The following TMEM232 variants were observed in gnomAD, a reference collection of about 807,000 sequenced individuals.
TMEM232 encodes the protein transmembrane protein 232.
TMEM232 carries 80 observed loss-of-function variants against 78.8 expected under a neutral mutation model. That is an observed-to-expected ratio of 1.01 (90% CI 0.85 to 1.22). The LOEUF is 1.22. Among genes scored for constraint, TMEM232 ranks in the 50% most tolerant of loss-of-function variants. TMEM232 has a pLI of 0.00. For synonymous variants in TMEM232, 297 were observed against 254.3 expected (o/e 1.17, Z -1.60); for missense variants, 881 against 742.2 (o/e 1.19, Z -2.17).
At chr5:110,693,674 C>T (rs145359737) in intron 1 of TMEM232, among the ~76,000 whole-genome samples, 1,795 of 151,938 alleles carry the variant, frequency 0.012, 45 homozygotes, top group African/African-American at 0.04. Context: ...CCTCAGTAGC[C>T]GATGTGATCA....
chr5:110,389,129 C>A (rs898336677), intron 4 of TMEM232, among the ~76,000 whole-genome samples: 65 of 152,086 alleles, frequency 4.3e-4, no homozygotes, highest in Non-Finnish European at 6.2e-4. Context: ...GTCAAGTTGG[C>A]ACATGCCTGT....
intron 4 of TMEM232, among the ~76,000 whole-genome samples, chr5:110,389,266 AAC>A (rs2112553486): frequency 7.0e-6 from 1 of 141,860 alleles, no homozygotes; most frequent in South Asian, 2.2e-4. Flanking sequence ...ATCTCAAACA[AAC>A]AAACAAAACA....
intron 2 of TMEM232, among the ~76,000 whole-genome samples, chr5:110,734,516 G>A (rs886417880): frequency 1.3e-5 from 2 of 152,226 alleles, no homozygotes; most frequent in African/African-American, 2.4e-5. Context: ...TACTATGGTA[G>A]AGGGATGAAA....
At chr5:110,679,814 T>C (rs963395547) in intron 1 of TMEM232, among the ~76,000 whole-genome samples, 7 of 152,268 alleles carry the variant, frequency 4.6e-5, no homozygotes, top group Non-Finnish European at 7.4e-5. Context: ...GTAGATTATA[T>C]TTACTCAAAA....
rs1034969862 is a variant in TMEM232 at position 110,528,747 on chromosome 5, A to C, written c.1544T>G (p.Ile515Ser). Residue 515 changes from isoleucine (I) to serine (S), a missense_variant, in exon 12 of 14, where the codon ATT becomes AGT. Ile to Ser is a moderately radical substitution (Grantham distance 142, BLOSUM62 -2). Coordinates refer to ENST00000455884, the MANE Select transcript of TMEM232 (RefSeq NM_001039763.4). ...AAGAGTGTTGGCAATTCTCCACCCA[A>C]TATATTTGGAGAAAACTTCTTCTCC... ...NVGEEVFSKY[I>S]GWRIANTLSK... The C allele has an allele frequency of 6.5e-7, 1 of 1,534,034 alleles. No individual in the cohort carries two copies. Among genetic ancestry groups the C allele is most frequent in the Middle Eastern group, 1.7e-4 (1 of 5,980 alleles).
At chr5:110,455,311 A>AAAAC (rs1309090904) in intron 12 of TMEM232, among the ~76,000 whole-genome samples, 1 of 152,188 alleles carries the variant, frequency 6.6e-6, no homozygotes, top group Non-Finnish European at 1.5e-5. Context: ...CCCTGATATT[A>AAAAC]AAACAAACAA....
rs184419605 is a variant in TMEM232 at position 110,387,974 on chromosome 5, T to C, written n.695A>G. 2.6e-5 allele frequency: 4 copies of C among 153,280 alleles called. No individual in the cohort carries two copies. The East Asian group carries it at 7.7e-4, about 29-fold the overall frequency. 9.5% of individuals were successfully genotyped at this position (153,280 alleles called of 1,614,324 possible). A position where few individuals can be genotyped will look rare whatever the true frequency, so the allele number is the denominator to read the frequency against. ...AAGTGGCATCACTGTCTGGGGTAAA[T>C]ACCCAGGGCTCATCATCTAGTGCCA... On this transcript the variant is annotated non_coding_transcript_exon_variant, in exon 5 of 9. Coordinates refer to the TMEM232 transcript ENST00000507188.
At chr5:110,700,054 T>A (rs1795251539) in intron 1 of TMEM232, among the ~76,000 whole-genome samples, 1 of 152,056 alleles carries the variant, frequency 6.6e-6, no homozygotes, top group Non-Finnish European at 1.5e-5. Context: ...AAAGGTTGAC[T>A]AGAAAAATCC....
intron 12 of TMEM232, among the ~76,000 whole-genome samples, chr5:110,468,310 C>G (rs964910826): frequency 2.0e-5 from 3 of 151,210 alleles, no homozygotes; most frequent in Non-Finnish European, 4.4e-5. Context: ...GTTTTTTTAA[C>G]ATAAAAAGTT....
At chr5:110,487,892 A>G (rs1297482563) in intron 12 of TMEM232, among the ~76,000 whole-genome samples, 1 of 151,758 alleles carries the variant, frequency 6.6e-6, no homozygotes, top group Non-Finnish European at 1.5e-5. Context: ...TTCTTTCTCT[A>G]TCTTGTGGAA....
intron 11 of TMEM232, among the ~76,000 whole-genome samples, chr5:110,554,816 A>C (rs1474161209): frequency 4.6e-5 from 7 of 152,088 alleles, no homozygotes; most frequent in Non-Finnish European, 1.0e-4. Context: ...CAGGTTATTT[A>C]TTACTGATTC....
In TMEM232 at chr5:110,637,390, A is replaced by C. The variant is rs76371010; in HGVS notation, c.501+808T>G. 8.5e-3 allele frequency among the ~76,000 whole-genome samples: 1,295 copies of C among 151,912 alleles called. 10 individuals carry two copies. The highest frequency in any genetic ancestry group is 0.013 in the Non-Finnish European group (894 of 67,878). On this transcript the variant is annotated intron_variant, in intron 5 of 13. Transcript: ENST00000455884. ...TTTACTACCAAATGTGTCAGAGAGCATCTAAGCTTGATTTACAATGACTGA... is the reference window on the plus strand; with the variant it reads ...TTTACTACCAAATGTGTCAGAGAGCCTCTAAGCTTGATTTACAATGACTGA...
rs186792588 is a variant in TMEM232 at position 110,657,633 on chromosome 5, T to C, written c.125+9595A>G. Among the ~76,000 whole-genome samples the C allele has an allele frequency of 4.2e-4, 64 of 152,168 alleles. 3 individuals are homozygous for C. The East Asian group carries it at 0.012, about 29-fold the overall frequency. On this transcript the variant is annotated intron_variant, in intron 2 of 13. Transcript: ENST00000455884. Reference sequence around the variant, plus strand: ...GAGGGAACTGGGAGAGGTTGGTCAATGGGTACAAAGTTACAGTTAAGAAGA... The same window carrying C: ...GAGGGAACTGGGAGAGGTTGGTCAACGGGTACAAAGTTACAGTTAAGAAGA...
chr5:110,624,106 A>T (rs1784113278), intron 7 of TMEM232, among the ~76,000 whole-genome samples: 1 of 152,102 alleles, frequency 6.6e-6, no homozygotes. Flanking sequence ...GACTATTCAC[A>T]TTGCCAAGAT....
chr5:110,669,242 T>C (rs963560210), intron 1 of TMEM232, among the ~76,000 whole-genome samples: 2 of 151,456 alleles, frequency 1.3e-5, no homozygotes, highest in Non-Finnish European at 2.9e-5. Flanking sequence ...GCAAGACTAA[T>C]AAAGAAGAAA....
At chr5:110,578,480 T>G (rs947787077) in intron 10 of TMEM232, among the ~76,000 whole-genome samples, 5 of 152,008 alleles carry the variant, frequency 3.3e-5, no homozygotes, top group Non-Finnish European at 7.4e-5. Context: ...AATCTAAAAC[T>G]GAGCTGTGAC....
chr5:110,580,180 A>G (rs1778019733), intron 10 of TMEM232, among the ~76,000 whole-genome samples: 1 of 151,760 alleles, frequency 6.6e-6, no homozygotes, highest in South Asian at 2.1e-4. Flanking sequence ...GCCACATAAC[A>G]GTGTTTCAGT....
chr5:110,653,288 A>C (rs1282744633), intron 2 of TMEM232, among the ~76,000 whole-genome samples: 2 of 152,242 alleles, frequency 1.3e-5, no homozygotes, highest in East Asian at 3.8e-4. Flanking sequence ...TGAATCACTT[A>C]ATCTGTGGGA....
At chr5:110,707,864 C>T (rs1167078812) in intron 1 of TMEM232, among the ~76,000 whole-genome samples, 1 of 152,160 alleles carries the variant, frequency 6.6e-6, no homozygotes, top group Non-Finnish European at 1.5e-5. Context: ...CATGAGGCTC[C>T]TGTTCCAGAC....
Sources: gnomAD v4.1 joint callset for allele counts (sites outside exome capture counted in the v4.1 genomes callset) on GRCh38, gnomAD v4.1.1 for gene constraint, MANE v1.5 for transcripts, NCBI Gene and HGNC (gene_info 2026-07-23, HGNC 2026-07-21) for gene names.